The following OCA2 variants were observed in gnomAD, a reference collection of about 807,000 sequenced individuals.
OCA2 encodes OCA2 melanosomal transmembrane protein.
Under a neutral mutation model 100.2 loss-of-function variants are expected in OCA2, and 77 were observed. The ratio of observed to expected loss-of-function variants is 0.77; its 90% confidence interval spans 0.64 to 0.93. The LOEUF (loss-of-function observed/expected upper bound fraction) is 0.93, where lower values mean the gene tolerates loss of function less well. OCA2 is among the 40% of genes least tolerant of loss of function. The probability of loss-of-function intolerance (pLI) is 0.00; values close to 1 mark genes in which losing one functional copy is unlikely to be tolerated. For missense variants in OCA2, 1,062 were observed against 1,089.1 expected (o/e 0.98, Z 0.35); for synonymous variants, 432 against 439.2 (o/e 0.98, Z 0.21).
At chr15:27,945,528 G>A (rs1391599489) in intron 18 of OCA2, among the ~76,000 whole-genome samples, 2 of 152,150 alleles carry the variant, frequency 1.3e-5, no homozygotes, top group South Asian at 2.1e-4. Context: ...CCTCCTTCCT[G>A]AGCCTGCCCC....
intron 23 of OCA2, among the ~76,000 whole-genome samples, chr15:27,800,312 AAAGT>A (rs1363274427): frequency 5.3e-5 from 8 of 152,182 alleles, no homozygotes; most frequent in Admixed American, 2.6e-4. Flanking sequence ...GAGAAGAAAA[AAAGT>A]AAGTAAGCAG....
chr15:27,989,577 TC>T, intron 11 of OCA2, 23 bp downstream of exon 11: 1 of 1,605,998 alleles, frequency 6.2e-7, no homozygotes, highest in Non-Finnish European at 8.5e-7. Flanking sequence ...TGGAGCCCAG[TC>T]CCACGGGGAG....
Position 27,776,014 on chromosome 15 carries a change from C to A in OCA2, c.2433-20542G>T, listed in dbSNP as rs531151822. ...TGCCATGTGCCCTTGAACGGAGCTA[C>A]CTCCTGGCCCACCTTCTTGGGCACT... is the stretch of plus-strand genomic sequence containing the variant. On this transcript the variant is annotated intron_variant, in intron 23 of 23. Transcript: ENST00000354638. Among the ~76,000 whole-genome samples the A allele has an allele frequency of 2.6e-5, 4 of 152,252 alleles. No individual in the cohort carries two copies. The East Asian group carries it at 7.7e-4, about 29-fold the overall frequency.
chr15:27,980,454 C>G (rs778164536), intron 14 of OCA2, among the ~76,000 whole-genome samples: 2 of 152,088 alleles, frequency 1.3e-5, no homozygotes, highest in Non-Finnish European at 2.9e-5. Flanking sequence ...TGTGAATTTC[C>G]CCATGTAGTT....
Position 27,851,451 on chromosome 15 carries a change from G to A in OCA2, c.2269C>T (p.His757Tyr), listed in dbSNP as rs1389510425. 1 of 1,613,776 alleles carries A rather than the reference G, an allele frequency of 6.2e-7. No individual in the cohort carries two copies. Reference sequence around the variant, plus strand: ...GCGGGCAGGCCAACCTCAGGGTCGTGGCTCAGGTTCAGGAGCACGGGAATC... The same window carrying A: ...GCGGGCAGGCCAACCTCAGGGTCGTAGCTCAGGTTCAGGAGCACGGGAATC... ...TMIPVLLNLS[H>Y]DPEVGLPAPP... The change falls in exon 22 of 24, where the codon CAC becomes TAC. Residue 757 changes from histidine to tyrosine, a missense_variant. By Grantham distance (83) the His-to-Tyr change is moderately conservative (BLOSUM62 2). Transcript: ENST00000354638.
At chr15:27,781,717 C>A (rs1403414245) in intron 23 of OCA2, among the ~76,000 whole-genome samples, 1 of 151,942 alleles carries the variant, frequency 6.6e-6, no homozygotes, top group Admixed American at 6.6e-5. Context: ...ATGGTAAATA[C>A]CAGAAAGTAA....
chr15:28,045,800 C>CCTCCAAA (rs2043330104), intron 2 of OCA2, among the ~76,000 whole-genome samples: 1 of 152,218 alleles, frequency 6.6e-6, no homozygotes, highest in African/African-American at 2.4e-5. Flanking sequence ...GTCACAGTTT[C>CCTCCAAA]CTCCAAACTC....
At chr15:27,771,203 A>C (rs1375712594) in intron 23 of OCA2, among the ~76,000 whole-genome samples, 1 of 147,852 alleles carries the variant, frequency 6.8e-6, no homozygotes, top group Non-Finnish European at 1.5e-5. Flanking sequence ...AGGTCCCCTC[A>C]CACCTTCTGA....
At chr15:28,016,756 G>A (rs1015216650) in intron 7 of OCA2, among the ~76,000 whole-genome samples, 4 of 152,126 alleles carry the variant, frequency 2.6e-5, no homozygotes, top group African/African-American at 9.7e-5. Flanking sequence ...ACCCCAGCCT[G>A]GGCAACAGAG....
the OCA2 span, among the ~76,000 whole-genome samples, chr15:27,723,220 T>A: frequency 6.6e-6 from 1 of 152,150 alleles, no homozygotes; most frequent in Admixed American, 6.5e-5. Context: ...TCTATCCTCC[T>A]CTGCCCCCCC....
intron 19 of OCA2, among the ~76,000 whole-genome samples, chr15:27,872,886 C>T (rs2036639549): frequency 1.3e-5 from 2 of 152,032 alleles, no homozygotes; most frequent in South Asian, 2.1e-4. Flanking sequence ...GATGGGGCTT[C>T]GCCATGTTGG....
At chr15:27,779,501 T>C (rs941875929) in intron 23 of OCA2, among the ~76,000 whole-genome samples, 4 of 152,228 alleles carry the variant, frequency 2.6e-5, no homozygotes, top group East Asian at 1.9e-4. Flanking sequence ...GACCCTTTCA[T>C]CATTATATGG....
intron 4 of OCA2, among the ~76,000 whole-genome samples, chr15:28,027,371 G>A (rs1365972088): frequency 6.6e-6 from 1 of 152,190 alleles, no homozygotes; most frequent in Non-Finnish European, 1.5e-5. Flanking sequence ...GTGTGCCCCG[G>A]ACAAATGCTT....
intron 23 of OCA2, among the ~76,000 whole-genome samples, chr15:27,802,457 A>T (rs11855500): frequency 0.057 from 8,719 of 152,192 alleles, 772 homozygotes; most frequent in African/African-American, 0.19. Context: ...ACTGATTTTA[A>T]AATTCATATG....
rs754559636 is a variant in OCA2, at chr15:27,991,731, T to TA, written c.1045-1085dup. ...TTAAATTATACCTCAATAAATTTGT[T>TA]AAAAAAATACAAAAAGAATGTGGCA... On this transcript the variant is annotated intron_variant, in intron 9 of 23. Transcript: ENST00000354638. 3.3e-3 allele frequency among the ~76,000 whole-genome samples: 497 copies of TA among 152,218 alleles called. 1 individual carries two copies. Among genetic ancestry groups the TA allele is most frequent in the Non-Finnish European group, 5.9e-3 (398 of 68,014 alleles).
At chr15:27,766,505 G>T (rs1498519) in intron 23 of OCA2, among the ~76,000 whole-genome samples, 40,105 of 152,094 alleles carry the variant, frequency 0.26, 7,118 homozygotes, top group Non-Finnish European at 0.39. Flanking sequence ...GTCCTGAGGG[G>T]TTGCTTAGTG....
intron 23 of OCA2, among the ~76,000 whole-genome samples, chr15:27,841,186 C>T (rs2035328899): frequency 6.6e-6 from 1 of 152,100 alleles, no homozygotes; most frequent in Non-Finnish European, 1.5e-5. Context: ...ACAATGATGC[C>T]GAGTGAAAAC....
intron 23 of OCA2, among the ~76,000 whole-genome samples, chr15:27,841,169 T>C (rs2035328296): frequency 6.6e-6 from 1 of 152,226 alleles, no homozygotes; most frequent in Admixed American, 6.5e-5. Flanking sequence ...TTTGGATGAA[T>C]TGCTAGACAA....
At chr15:27,830,794 A>T (rs1372025667) in intron 23 of OCA2, among the ~76,000 whole-genome samples, 1 of 152,206 alleles carries the variant, frequency 6.6e-6, no homozygotes, top group Admixed American at 6.5e-5. Context: ...CAAATTCAAT[A>T]GCCAGTGAGG....
Sources: gnomAD v4.1 joint callset for allele counts (sites outside exome capture counted in the v4.1 genomes callset) on GRCh38, gnomAD v4.1.1 for gene constraint, MANE v1.5 for transcripts, NCBI Gene and HGNC (gene_info 2026-07-23, HGNC 2026-07-21) for gene names.